SCN7A: variants seen among roughly 807,000 people sequenced by gnomAD.
The protein encoded by SCN7A is sodium channel protein type 7 subunit alpha.
A neutral mutation model predicts 155.2 loss-of-function variants in SCN7A; 138 were observed. The ratio of observed to expected loss-of-function variants is 0.89; its 90% CI spans 0.77 to 1.02. The LOEUF (loss-of-function observed/expected upper bound fraction) is 1.02, where lower values mean the gene tolerates loss of function less well. Among genes scored for constraint, SCN7A ranks in the 50% least tolerant of loss-of-function variants. The pLI is 0.00. For synonymous variants in SCN7A, 693 were observed against 649.0 expected (o/e 1.07, Z -1.03); for missense variants, 2,058 against 1,986.6 (o/e 1.04, Z -0.68).
intron 11 of SCN7A, 141 bp downstream of exon 11, chr2:166,456,729 C>T (rs554369920): frequency 5.7e-5 from 22 of 383,990 alleles, no homozygotes; most frequent in African/African-American, 4.5e-4. Context: ...ACCATGGGAC[C>T]AGCAATGAAC....
At chr2:166,460,902 A>G (rs1443006805) in intron 10 of SCN7A, among the ~76,000 whole-genome samples, 1 of 152,104 alleles carries the variant, frequency 6.6e-6, no homozygotes, top group Non-Finnish European at 1.5e-5. Flanking sequence ...GGGTAATGTG[A>G]TAAGATTATT....
At chr2:166,424,159 A>G (rs1367989331) in intron 18 of SCN7A, among the ~76,000 whole-genome samples, 1 of 152,180 alleles carries the variant, frequency 6.6e-6, no homozygotes, top group East Asian at 1.9e-4. Flanking sequence ...AAGTAAATAC[A>G]AAATAACAAT....
At chr2:166,430,352 A>C (rs1701708546) in intron 16 of SCN7A, among the ~76,000 whole-genome samples, 2 of 152,006 alleles carry the variant, frequency 1.3e-5, no homozygotes, top group Admixed American at 1.3e-4. Context: ...TATTATTCTT[A>C]CACAGATATT....
chr2:166,475,080 GTA>G (rs201255081), intron 3 of SCN7A, among the ~76,000 whole-genome samples: 52 of 85,896 alleles, frequency 6.1e-4, no homozygotes, highest in South Asian at 1.4e-3. Flanking sequence ...TTATATTTGT[GTA>G]TATATATATA....
intron 11 of SCN7A, among the ~76,000 whole-genome samples, chr2:166,448,556 C>T (rs886548523): frequency 6.6e-5 from 10 of 152,098 alleles, no homozygotes; most frequent in Non-Finnish European, 1.2e-4. Flanking sequence ...GCTGTACTAA[C>T]TTACAATCCC....
At position 166,432,403 on chromosome 2, in the gene SCN7A, A is replaced by G; in HGVS notation, c.2507T>C (p.Val836Ala). ...LIPSPSVSET[V>A]PIASGESDIE... ...ATCAGATTCTCCTGAAGCAATTGGT[A>G]CAGTTTCTGAGACACTAGGACTGGG... Residue 836 changes from valine (V) to alanine (A), a missense_variant, in exon 16 of 26, where the codon GTA (valine) becomes GCA (alanine). Coordinates refer to ENST00000643258, the MANE Select transcript of SCN7A (RefSeq NM_002976.4). 6.2e-7 allele frequency: 1 copy of G among 1,613,574 alleles called. No homozygotes were observed. Among genetic ancestry groups the G allele is most frequent in the Non-Finnish European group, 8.5e-7 (1 of 1,179,610 alleles).
chr2:166,419,356 G>GC (rs1213241063), intron 20 of SCN7A, among the ~76,000 whole-genome samples: 1 of 149,474 alleles, frequency 6.7e-6, no homozygotes, highest in Non-Finnish European at 1.5e-5. Context: ...TGGAAATGTG[G>GC]CTGTCTTTTT....
In SCN7A at chr2:166,405,964, G is replaced by C; in HGVS notation, c.4665C>G (p.Asn1555Lys). The C allele has an allele frequency of 6.2e-7, 1 of 1,612,928 alleles. No individual in the cohort carries two copies. Among genetic ancestry groups the C allele is most frequent in the Non-Finnish European group, 8.5e-7 (1 of 1,179,350 alleles). ...GGTCCAAAGCAATGAGCTGGCCCTT[G>C]TTTGGTTTTGCCATGAAAAGAGGAG... ...LDPPLFMAKP[N>K]KGQLIALDLP... Residue 1555 changes from asparagine (N) to lysine (K), a missense_variant, in exon 26 of 26, where the codon AAC becomes AAG. Transcript: ENST00000643258.
intron 20 of SCN7A, among the ~76,000 whole-genome samples, chr2:166,418,588 T>C (rs574059699): frequency 2.0e-5 from 3 of 152,116 alleles, no homozygotes; most frequent in East Asian, 3.9e-4. Context: ...TTATGTTCCA[T>C]AGTTGCCTGT....
At position 166,405,420 on chromosome 2, in the gene SCN7A, T is replaced by C. The variant is rs927838498; in HGVS notation, c.*160A>G. The C allele has an allele frequency of 1.5e-5, 9 of 587,586 alleles. No individual in the cohort carries two copies. In the East Asian group the frequency reaches 2.3e-4, roughly 15 times the overall value. The allele number at this position is 587,586 out of a possible 1,614,324, so 36.4% of individuals were successfully genotyped here. A position where few individuals can be genotyped will look rare whatever the true frequency, so the allele number is the denominator to read the frequency against. On this transcript the variant is annotated 3_prime_UTR_variant, in exon 26 of 26. Transcript: ENST00000643258. ...GATTCTCTTGATTTGTTAGATATAA[T>C]GCTAAAAAGTGAATTTGGCATGAAG... is the stretch of plus-strand genomic sequence containing the variant.
chr2:166,418,112 T>A (rs916047150), intron 20 of SCN7A, among the ~76,000 whole-genome samples: 2 of 150,974 alleles, frequency 1.3e-5, no homozygotes, highest in African/African-American at 4.8e-5. Context: ...TTAGCTTTTT[T>A]ATTTTTTTAT....
intron 20 of SCN7A, among the ~76,000 whole-genome samples, chr2:166,418,955 A>G (rs1250531249): frequency 6.6e-6 from 1 of 152,118 alleles, no homozygotes; most frequent in Admixed American, 6.6e-5. Context: ...CCTGACTTTG[A>G]CCTAAGCATG....
chr2:166,482,213 G>T lies in SCN7A; in HGVS notation c.-14-4503C>A, dbSNP rs535636090. On this transcript the variant is annotated intron_variant, in intron 2 of 25. Coordinates refer to ENST00000643258, the MANE Select transcript of SCN7A (RefSeq NM_002976.4). Reference sequence around the variant, plus strand: ...TCAGTATATTTTTGATATTTTTAGGGATCCATTCTGATTGCCAAAAGTATT... The same window carrying T: ...TCAGTATATTTTTGATATTTTTAGGTATCCATTCTGATTGCCAAAAGTATT... Among the ~76,000 whole-genome samples, 8 of 152,036 alleles carry T rather than the reference G, an allele frequency of 5.3e-5. No individual in the cohort carries two copies. The East Asian group carries it at 1.5e-3, about 29-fold the overall frequency.
chr2:166,493,515 C>A (rs1186839458), intron 1 of SCN7A, among the ~76,000 whole-genome samples: 3 of 152,210 alleles, frequency 2.0e-5, no homozygotes. Context: ...AATGCCTCTA[C>A]TTTTATACTA....
intron 2 of SCN7A, among the ~76,000 whole-genome samples, chr2:166,481,124 A>G (rs1343440477): frequency 6.6e-6 from 1 of 152,200 alleles, no homozygotes; most frequent in African/African-American, 2.4e-5. Flanking sequence ...GTTGTGATAG[A>G]GAAACAACCT....
At chr2:166,462,321 G>T in intron 10 of SCN7A, 68 bp downstream of exon 10, 2 of 1,445,030 alleles carry the variant, frequency 1.4e-6, no homozygotes, top group South Asian at 1.4e-5. Flanking sequence ...TATTACATTT[G>T]ACCATTATCT....
chr2:166,406,060 T>C lies in SCN7A; in HGVS notation c.4569A>G (p.Lys1523=), dbSNP rs542840900. The C allele has an allele frequency of 6.2e-6, 10 of 1,612,814 alleles. No individual in the cohort carries two copies. The highest frequency in any genetic ancestry group is 4.4e-5 in the South Asian group (4 of 91,066). Residue 1523 remains lysine (K), a synonymous_variant, in exon 26 of 26, where the codon AAA becomes AAG. Transcript: ENST00000643258. ...DDFRKFFQVW[K]RFDPDRTQYI... ...ACTGGGTCCTATCAGGATCAAACCT[T>C]TTCCATACCTGAAAGAATTTCCTAA...
chr2:166,414,759 T>C (rs2105375260), intron 21 of SCN7A: 1 of 136,604 alleles, frequency 7.3e-6, no homozygotes, highest in Non-Finnish European at 1.5e-5. Context: ...AAAATATATA[T>C]AGAATATATA....
At chr2:166,453,761 TA>T (rs900123217) in intron 11 of SCN7A, among the ~76,000 whole-genome samples, 3 of 152,170 alleles carry the variant, frequency 2.0e-5, no homozygotes, top group Admixed American at 6.6e-5. Flanking sequence ...ATGAAGCACC[TA>T]AGCAATATCC....
Sources: gnomAD v4.1 joint callset for allele counts (sites outside exome capture counted in the v4.1 genomes callset) on GRCh38, gnomAD v4.1.1 for gene constraint, MANE v1.5 for transcripts, NCBI Gene and HGNC (gene_info 2026-07-23, HGNC 2026-07-21) for gene names.